CADPS: variants seen among roughly 807,000 people sequenced by gnomAD.
The protein encoded by CADPS is calcium-dependent secretion activator 1.
CADPS carries 57 observed loss-of-function variants against 167.3 expected under a neutral mutation model. That is an observed-to-expected ratio of 0.34 (90% CI 0.28 to 0.42). CADPS has a LOEUF of 0.42. CADPS is among the 20% of genes least tolerant of loss of function. The probability of loss-of-function intolerance (pLI) is 1.00; values close to 1 mark genes in which losing one functional copy is unlikely to be tolerated. For synonymous variants in CADPS, 676 were observed against 635.3 expected, an observed-to-expected ratio of 1.06 and a Z score of -0.96; for missense variants, 1,414 against 1,738.1, an observed-to-expected ratio of 0.81 and a Z score of 3.32.
intron 4 of CADPS, among the ~76,000 whole-genome samples, chr3:62,651,685 C>T (rs2070184972): frequency 6.6e-6 from 1 of 152,192 alleles, no homozygotes; most frequent in Non-Finnish European, 1.5e-5. Flanking sequence ...TAACTGACCT[C>T]TATTTTTTCC....
At chr3:62,638,079 ATATATATATATATATG>A (rs201912178) in intron 6 of CADPS, among the ~76,000 whole-genome samples, 9,555 of 43,230 alleles carry the variant, frequency 0.22, 463 homozygotes, top group South Asian at 0.48. Flanking sequence ...TTTAAGCATT[ATATATATATATATATG>A]TATATATATA....
At chr3:62,769,118 A>G (rs1410353365) in intron 1 of CADPS, among the ~76,000 whole-genome samples, 4 of 152,036 alleles carry the variant, frequency 2.6e-5, no homozygotes, top group Non-Finnish European at 5.9e-5. Flanking sequence ...GCCAATACTG[A>G]CCTCATAGGG....
At chr3:62,707,217 C>T (rs2082474362) in intron 3 of CADPS, among the ~76,000 whole-genome samples, 1 of 152,014 alleles carries the variant, frequency 6.6e-6, no homozygotes, top group African/African-American at 2.4e-5. Context: ...GAGCGCGAAC[C>T]CTATTGTGAA....
intron 23 of CADPS, 51 bp from the exon 24 acceptor site, chr3:62,474,371 G>T (rs755034218): frequency 2.1e-4 from 329 of 1,566,008 alleles, no homozygotes; most frequent in South Asian, 1.7e-3. Context: ...ATGGCAGCAG[G>T]TGGAGGAGAT....
chr3:62,491,771 A>ATT (rs142922119), intron 20 of CADPS, among the ~76,000 whole-genome samples: 9 of 151,250 alleles, frequency 6.0e-5, no homozygotes, highest in African/African-American at 2.2e-4. Flanking sequence ...AATCCACACT[A>ATT]TTTTTTTTTC....
In CADPS at chr3:62,662,406, C is replaced by T. The variant is rs1423579913; in HGVS notation, c.889-12G>A. The T allele has an allele frequency of 1.9e-6, 3 of 1,613,232 alleles. No individual in the cohort carries two copies. The African/African-American group carries it at 4.0e-5, about 22-fold the overall frequency. On this transcript the variant is annotated splice_polypyrimidine_tract_variant and intron_variant, in intron 3 of 29. Coordinates refer to ENST00000383710, the MANE Select transcript of CADPS (RefSeq NM_003716.4). Reference sequence around the variant, plus strand: ...TCTGGATTGTCCAGCTGCACAAAAGCACAGACATTGAGACTTTTAGTTTGG... The same window carrying T: ...TCTGGATTGTCCAGCTGCACAAAAGTACAGACATTGAGACTTTTAGTTTGG...
intron 17 of CADPS, among the ~76,000 whole-genome samples, chr3:62,507,078 T>G (rs1042032960): frequency 3.3e-5 from 5 of 152,150 alleles, no homozygotes; most frequent in African/African-American, 1.2e-4. Flanking sequence ...TTTTTTTCTC[T>G]GATTCAGTAG....
At chr3:62,872,917 G>A (rs2082891033) in intron 1 of CADPS, among the ~76,000 whole-genome samples, 1 of 152,160 alleles carries the variant, frequency 6.6e-6, no homozygotes, top group Non-Finnish European at 1.5e-5. Flanking sequence ...GGAGGTTGAA[G>A]TTCCTATGCT....
intron 3 of CADPS, among the ~76,000 whole-genome samples, chr3:62,705,539 C>T (rs535293943): frequency 2.0e-5 from 3 of 152,222 alleles, no homozygotes; most frequent in Middle Eastern, 3.4e-3. Flanking sequence ...GACCCACATG[C>T]AATCTGGGTG....
At position 62,601,096 on chromosome 3, in the gene CADPS, A is replaced by G. The variant is rs1235977017; in HGVS notation, c.1326-8348T>C. 6.6e-6 allele frequency among the ~76,000 whole-genome samples: 1 copy of G among 152,202 alleles called. No homozygotes were observed. Among genetic ancestry groups the G allele is most frequent in the South Asian group, 2.1e-4 (1 of 4,828 alleles). On this transcript the variant is annotated intron_variant, in intron 6 of 29. Coordinates refer to ENST00000383710, the MANE Select transcript of CADPS (RefSeq NM_003716.4). The surrounding 1 kb of genome is among the most constrained non-coding windows in gnomAD (Gnocchi z 4.3). ...GTAAGTCTTCATTTTAGGATTATAG[A>G]CCAGGGGTTGTTAAACTATGGCCAT...
At chr3:62,599,909 T>G (rs1247122308) in intron 6 of CADPS, among the ~76,000 whole-genome samples, 3 of 94,958 alleles carry the variant, frequency 3.2e-5, no homozygotes, top group African/African-American at 4.2e-5. Flanking sequence ...CCATATTATA[T>G]ATAATATACA....
intron 2 of CADPS, among the ~76,000 whole-genome samples, chr3:62,756,992 G>A (rs2084089407): frequency 6.6e-6 from 1 of 152,068 alleles, no homozygotes; most frequent in Admixed American, 6.6e-5. Flanking sequence ...GCTGGGACAC[G>A]GCACAAACCA....
chr3:62,574,875 A>G (rs990574845), intron 8 of CADPS, among the ~76,000 whole-genome samples: 2 of 152,214 alleles, frequency 1.3e-5, no homozygotes, highest in African/African-American at 4.8e-5. Context: ...TTATTACAAA[A>G]TCTCTGTACG....
intron 1 of CADPS, among the ~76,000 whole-genome samples, chr3:62,805,515 C>T (rs563516908): frequency 2.0e-5 from 3 of 152,304 alleles, no homozygotes; most frequent in African/African-American, 7.2e-5. Flanking sequence ...TCTCAATCTT[C>T]ATTTAAAGAT....
intron 3 of CADPS, among the ~76,000 whole-genome samples, chr3:62,670,617 T>C (rs2075339050): frequency 6.6e-6 from 1 of 152,066 alleles, no homozygotes; most frequent in Non-Finnish European, 1.5e-5. Context: ...CTTCTGGCAA[T>C]GCAGTAAATA....
intron 3 of CADPS, among the ~76,000 whole-genome samples, chr3:62,738,261 C>G (rs554457981): frequency 1.3e-5 from 2 of 152,214 alleles, no homozygotes; most frequent in East Asian, 3.9e-4. Flanking sequence ...AATGAAGTAG[C>G]TAGTACTTCT....
chr3:62,410,410 G>A (rs2048739626), intron 28 of CADPS, among the ~76,000 whole-genome samples: 2 of 152,214 alleles, frequency 1.3e-5, no homozygotes, highest in Non-Finnish European at 2.9e-5. Context: ...TGCTGTGGCT[G>A]AATCTTTATC....
Position 62,457,466 on chromosome 3 carries a change from C to T in CADPS, c.3636+7901G>A, listed in dbSNP as rs568952898. 1.0e-3 allele frequency among the ~76,000 whole-genome samples: 153 copies of T among 152,144 alleles called. 2 individuals carry two copies. The highest frequency in any genetic ancestry group is 5.2e-3 in the South Asian group (25 of 4,816). ...AGGTGTTTTAGAGACTATGTAAAAACGAAAAATTCTTTTGGCATTAAAATA... is the reference window on the plus strand; with the variant it reads ...AGGTGTTTTAGAGACTATGTAAAAATGAAAAATTCTTTTGGCATTAAAATA... On this transcript the variant is annotated intron_variant, in intron 26 of 29. Transcript: ENST00000383710.
intron 6 of CADPS, chr3:62,626,103 T>A (rs11711302): frequency 0.28 from 43,566 of 154,758 alleles, 7,647 homozygotes; most frequent in Non-Finnish European, 0.36. Flanking sequence ...TGCTAATGTC[T>A]ATCCAAATAA....
Sources: allele counts gnomAD v4.1 joint callset (sites outside exome capture counted in the v4.1 genomes callset), GRCh38; gene constraint gnomAD v4.1.1; non-coding constraint Gnocchi (gnomAD v3.1); transcripts MANE v1.5; gene names NCBI Gene and HGNC (gene_info 2026-07-23, HGNC 2026-07-21).